PODXL: variants seen among roughly 807,000 people sequenced by gnomAD.
PODXL encodes the protein podocalyxin like.
A neutral mutation model predicts 48.9 loss-of-function variants in PODXL; 20 were observed. The observed-to-expected ratio is 0.41, with a 90% CI of 0.29 to 0.59. The LOEUF (loss-of-function observed/expected upper bound fraction) is 0.59, where lower values mean the gene tolerates loss of function less well. Among genes scored for constraint, PODXL ranks in the 20% least tolerant of loss-of-function variants. PODXL has a pLI of 0.31. For synonymous variants in PODXL, 295 were observed against 287.4 expected (o/e 1.03, Z -0.27); for missense variants, 606 against 675.1 (o/e 0.90, Z 1.13).
At position 131,500,402 on chromosome 7, in the gene PODXL, GT is replaced by G. The variant is rs1416106134; in HGVS notation, c.*3908del. On this transcript the variant is annotated 3_prime_UTR_variant, in exon 9 of 9. Transcript: ENST00000378555. ...AAATTCCAGTGTACTTCAGACCCCT[GT>G]CCACTAAGACATATATGATCCCCCA... 6.6e-6 allele frequency: 1 copy of G among 152,592 alleles called. No individual in the cohort carries two copies. The highest frequency in any genetic ancestry group is 1.5e-5 in the Non-Finnish European group (1 of 68,042). 9.5% of individuals were successfully genotyped at this position (152,592 alleles called of 1,614,324 possible).
chr7:131,536,223 G>A (rs2116843927), intron 1 of PODXL, among the ~76,000 whole-genome samples: 1 of 152,324 alleles, frequency 6.6e-6, no homozygotes, highest in African/African-American at 2.4e-5. Flanking sequence ...TAAGCTGTCA[G>A]CTAGCTACTC....
chr7:131,506,742 C>G lies in PODXL; in HGVS notation c.1102-16G>C. 6.2e-7 allele frequency: 1 copy of G among 1,613,772 alleles called. No individual in the cohort carries two copies. The highest frequency in any genetic ancestry group is 8.5e-7 in the Non-Finnish European group (1 of 1,179,858). On this transcript the variant is annotated splice_polypyrimidine_tract_variant and intron_variant, in intron 5 of 8. Transcript: ENST00000378555. ...CGCCCCCTGCCTATGGTGGGGAGAG[C>G]GCAGGTGACTCCGCGGGGAGCGTGA...
chr7:131,515,045 T>A (rs1797969833), intron 1 of PODXL, among the ~76,000 whole-genome samples: 1 of 152,194 alleles, frequency 6.6e-6, no homozygotes. Context: ...TGAGCAGCAT[T>A]CCTGGCCTCT....
At position 131,504,221 on chromosome 7, in the gene PODXL, T is replaced by A; in HGVS notation, c.*90A>T. 1.9e-6 allele frequency: 2 copies of A among 1,080,148 alleles called. No homozygotes were observed. Among genetic ancestry groups the A allele is most frequent in the Non-Finnish European group, 2.8e-6 (2 of 724,980 alleles). The allele number at this position is 1,080,148 out of a possible 1,614,324, so 66.9% of individuals were successfully genotyped here. ...GACACCCCTCGGAGTTCACTCTCCC[T>A]CCCCAGTCTTTCCCTTCCCCATCCA... On this transcript the variant is annotated 3_prime_UTR_variant, in exon 9 of 9. Coordinates refer to ENST00000378555, the MANE Select transcript of PODXL (RefSeq NM_001018111.3).
At position 131,512,333 on chromosome 7, in the gene PODXL, G is replaced by A. The variant is rs77229612; in HGVS notation, c.101-900C>T. 2.8e-3 allele frequency among the ~76,000 whole-genome samples: 420 copies of A among 152,240 alleles called. 6 individuals are homozygous for A. The East Asian group carries it at 0.04, about 14-fold the overall frequency. ...GACTAACCACCTGGACAGAGCAGCC[G>A]TCAAATCTGCTTACTACACGGAGGA... On this transcript the variant is annotated intron_variant, in intron 1 of 8. Transcript: ENST00000378555.
At chr7:131,523,404 C>T (rs1428437958) in intron 1 of PODXL, among the ~76,000 whole-genome samples, 5 of 152,026 alleles carry the variant, frequency 3.3e-5, no homozygotes, top group Admixed American at 1.3e-4. Flanking sequence ...CCATATGAGC[C>T]GGGCATGGTG....
At chr7:131,526,478 T>C (rs1285567313) in intron 1 of PODXL, among the ~76,000 whole-genome samples, 2 of 135,776 alleles carry the variant, frequency 1.5e-5, no homozygotes, top group Admixed American at 7.7e-5. Context: ...AACAACCCAA[T>C]AGAAAAAAAA....
chr7:131,553,693 G>A (rs1224518795), intron 1 of PODXL, among the ~76,000 whole-genome samples: 1 of 152,186 alleles, frequency 6.6e-6, no homozygotes, highest in Non-Finnish European at 1.5e-5. Context: ...CCACCAAGCT[G>A]CCTTTCTGTT....
chr7:131,534,080 G>A (rs1269411495), intron 1 of PODXL, among the ~76,000 whole-genome samples: 1 of 144,064 alleles, frequency 6.9e-6, no homozygotes, highest in African/African-American at 2.5e-5. Flanking sequence ...TTAGAGCCGC[G>A]CAGCCCACCT....
At chr7:131,527,171 A>G (rs918970499) in intron 1 of PODXL, among the ~76,000 whole-genome samples, 12 of 152,094 alleles carry the variant, frequency 7.9e-5, no homozygotes, top group African/African-American at 2.7e-4. Flanking sequence ...CAATGTTGAT[A>G]GTAGTAGAGT....
chr7:131,539,423 C>T (rs925070139), intron 1 of PODXL, among the ~76,000 whole-genome samples: 4 of 152,244 alleles, frequency 2.6e-5, no homozygotes, highest in Non-Finnish European at 4.4e-5. Context: ...CTCCGCCTCC[C>T]GGGTTCAAGT....
chr7:131,540,394 G>T (rs912321619), intron 1 of PODXL, among the ~76,000 whole-genome samples: 2 of 151,962 alleles, frequency 1.3e-5, no homozygotes, highest in African/African-American at 2.4e-5. Context: ...GCCCAGGGAA[G>T]GCCCCACCCC....
At chr7:131,506,941 C>T in intron 5 of PODXL, 1 of 588,056 alleles carries the variant, frequency 1.7e-6, no homozygotes, top group Non-Finnish European at 3.0e-6. Flanking sequence ...GTCTCGTTCC[C>T]ATCAGCCCGT....
chr7:131,509,919 C>T (rs1215871644), intron 3 of PODXL, among the ~76,000 whole-genome samples: 1 of 152,186 alleles, frequency 6.6e-6, no homozygotes, highest in Admixed American at 6.5e-5. Context: ...AGTGATTTGC[C>T]CGAGTTCCTG....
chr7:131,504,802 T>C (rs1797771484), intron 8 of PODXL, among the ~76,000 whole-genome samples: 1 of 151,962 alleles, frequency 6.6e-6, no homozygotes, highest in South Asian at 2.1e-4. Flanking sequence ...CTTCATCCCT[T>C]CCCCCAAAAC....
intron 1 of PODXL, among the ~76,000 whole-genome samples, chr7:131,549,809 T>C (rs1261058543): frequency 6.6e-6 from 1 of 152,156 alleles, no homozygotes. Flanking sequence ...CCCTACACCC[T>C]GGTCCTCGGA....
intron 1 of PODXL, among the ~76,000 whole-genome samples, chr7:131,550,754 C>A (rs1394559689): frequency 6.6e-6 from 1 of 152,182 alleles, no homozygotes; most frequent in Non-Finnish European, 1.5e-5. Flanking sequence ...ACAGCTGACA[C>A]GTATGCGCAC....
rs770027603 is a variant in PODXL, at chr7:131,509,322, C to T, written c.1023+43G>A. The T allele has an allele frequency of 1.1e-5, 16 of 1,467,716 alleles. No individual in the cohort carries two copies. Among genetic ancestry groups the T allele is most frequent in the South Asian group, 2.3e-5 (2 of 88,024 alleles). 90.9% of individuals were successfully genotyped at this position (1,467,716 alleles called of 1,614,324 possible). A position where few individuals can be genotyped will look rare whatever the true frequency, so the allele number is the denominator to read the frequency against. ...ACCTTGTCTTAAAGCCTCTTCTACC[C>T]GAGTCTGGGTTCTCCTACTTGCCCC... On this transcript the variant is annotated intron_variant, in intron 4 of 8. Transcript: ENST00000378555.
At chr7:131,510,739 T>C in intron 2 of PODXL, 89 bp downstream of exon 2, 1 of 1,517,878 alleles carries the variant, frequency 6.6e-7, no homozygotes, top group Non-Finnish European at 9.1e-7. Flanking sequence ...CCCAAAGTGC[T>C]GGGATTACAA....
Sources: allele counts gnomAD v4.1 joint callset (sites outside exome capture counted in the v4.1 genomes callset), GRCh38; gene constraint gnomAD v4.1.1; transcripts MANE v1.5; gene names NCBI Gene and HGNC (gene_info 2026-07-23, HGNC 2026-07-21).